SCFD2: variants seen among roughly 807,000 people sequenced by gnomAD.
SCFD2 encodes the protein sec1 family domain containing 2.
Under a neutral mutation model 58.9 loss-of-function variants are expected in SCFD2, and 54 were observed. The ratio of observed to expected loss-of-function variants is 0.92; its 90% CI spans 0.74 to 1.15. The LOEUF (loss-of-function observed/expected upper bound fraction) is 1.15, where lower values mean the gene tolerates loss of function less well. Among genes scored for constraint, SCFD2 ranks in the 50% most tolerant of loss-of-function variants. The pLI is 0.00. For missense variants in SCFD2, 805 were observed against 836.6 expected, an observed-to-expected ratio of 0.96 and a Z score of 0.47; for synonymous variants, 321 against 335.9, an observed-to-expected ratio of 0.96 and a Z score of 0.49.
In SCFD2 at chr4:53,236,919, G is replaced by A. The variant is rs1729640423; in HGVS notation, c.1311+36907C>T. On this transcript the variant is annotated intron_variant, in intron 4 of 8. Coordinates refer to ENST00000401642, the MANE Select transcript of SCFD2 (RefSeq NM_152540.4). ...TTTGGCAGGGTCATAGGACAATAGTGGAGGGAAGGTCAGTAGCTAAACAAG... is the reference window on the plus strand; with the variant it reads ...TTTGGCAGGGTCATAGGACAATAGTAGAGGGAAGGTCAGTAGCTAAACAAG... 5.3e-5 allele frequency among the ~76,000 whole-genome samples: 8 copies of A among 151,860 alleles called. No individual in the cohort carries two copies. The South Asian group carries it at 1.5e-3, about 28-fold the overall frequency.
intron 4 of SCFD2, among the ~76,000 whole-genome samples, chr4:53,255,999 C>T (rs1182754321): frequency 1.2e-4 from 18 of 148,490 alleles, no homozygotes; most frequent in South Asian, 2.2e-4. Flanking sequence ...CCAGACGGGG[C>T]GGCTGGCCGG....
chr4:52,873,388 C>T lies in SCFD2; in HGVS notation c.*581G>A, dbSNP rs971686918. On this transcript the variant is annotated 3_prime_UTR_variant, in exon 9 of 9. Transcript: ENST00000401642. ...AGAACAATGCAGTCCTTTGTTATGG[C>T]AGGATGATTTACAACACATGCAGGC... 1.3e-5 allele frequency: 2 copies of T among 152,484 alleles called. No homozygotes were observed. Among genetic ancestry groups the T allele is most frequent in the African/African-American group, 4.8e-5 (2 of 41,442 alleles). 9.4% of individuals were successfully genotyped at this position (152,484 alleles called of 1,614,324 possible).
In SCFD2 at chr4:52,930,340, C is replaced by T. The variant is rs189777263; in HGVS notation, c.1562-9470G>A. Among the ~76,000 whole-genome samples the T allele has an allele frequency of 1.5e-3, 230 of 152,154 alleles. 2 individuals are homozygous for T. The highest frequency in any genetic ancestry group is 5.4e-3 in the African/African-American group (224 of 41,510). On this transcript the variant is annotated intron_variant, in intron 5 of 8. Coordinates refer to ENST00000401642, the MANE Select transcript of SCFD2 (RefSeq NM_152540.4). ...ATTGAAACTGGAACCCTTCCTTATG[C>T]CTTATATGAAAATTAACTCAAGATG...
At chr4:53,197,355 G>T (rs1199364300) in intron 4 of SCFD2, among the ~76,000 whole-genome samples, 2 of 151,962 alleles carry the variant, frequency 1.3e-5, no homozygotes, top group African/African-American at 4.8e-5. Context: ...CCTTTGAAAG[G>T]ATTATCCAAA....
At chr4:53,329,754 T>C (rs1733363450) in intron 2 of SCFD2, among the ~76,000 whole-genome samples, 1 of 151,414 alleles carries the variant, frequency 6.6e-6, no homozygotes, top group African/African-American at 2.4e-5. Context: ...AGAATGACTT[T>C]GACGAGCTGA....
chr4:53,237,448 G>T, intron 4 of SCFD2, among the ~76,000 whole-genome samples: 1 of 147,074 alleles, frequency 6.8e-6, no homozygotes, highest in African/African-American at 2.6e-5. Flanking sequence ...TTCCCGGATG[G>T]GGGGTCTGGC....
In SCFD2 at chr4:53,137,205, A is replaced by T. The variant is rs560356581; in HGVS notation, c.1561+8128T>A. Among the ~76,000 whole-genome samples, 5 of 152,328 alleles carry T rather than the reference A, an allele frequency of 3.3e-5. No homozygotes were observed. The South Asian group carries it at 1.0e-3, about 32-fold the overall frequency. On this transcript the variant is annotated intron_variant, in intron 5 of 8. Coordinates refer to ENST00000401642, the MANE Select transcript of SCFD2 (RefSeq NM_152540.4). ...AAACCGAGATCTAGCCAAGGATGCAAGTCTTCTGAGTGGGGCTTTCAAGAA... is the reference window on the plus strand; with the variant it reads ...AAACCGAGATCTAGCCAAGGATGCATGTCTTCTGAGTGGGGCTTTCAAGAA...
At chr4:53,188,527 T>C (rs190072093) in intron 4 of SCFD2, among the ~76,000 whole-genome samples, 33 of 151,854 alleles carry the variant, frequency 2.2e-4, no homozygotes, top group Non-Finnish European at 4.4e-5. Flanking sequence ...GGAGCCAGTC[T>C]GAATACAAAT....
chr4:53,278,930 T>C (rs1731425389), intron 3 of SCFD2, among the ~76,000 whole-genome samples: 1 of 150,432 alleles, frequency 6.6e-6, no homozygotes, highest in African/African-American at 2.4e-5. Flanking sequence ...ATTTTTAAAT[T>C]TAACCATAAC....
At chr4:52,893,223 C>A (rs930000448) in intron 7 of SCFD2, among the ~76,000 whole-genome samples, 3 of 151,918 alleles carry the variant, frequency 2.0e-5, no homozygotes, top group Non-Finnish European at 4.4e-5. Flanking sequence ...TCTTTCTTTT[C>A]TTTCCCTTCT....
At chr4:53,004,176 G>A (rs1039743491) in intron 5 of SCFD2, among the ~76,000 whole-genome samples, 3 of 152,156 alleles carry the variant, frequency 2.0e-5, no homozygotes, top group African/African-American at 7.2e-5. Flanking sequence ...CACGATATGT[G>A]GTCAGTGATG....
intron 5 of SCFD2, among the ~76,000 whole-genome samples, chr4:53,074,397 T>A (rs1377755523): frequency 1.3e-5 from 2 of 152,156 alleles, no homozygotes; most frequent in South Asian, 4.1e-4. Flanking sequence ...GGAATGAATG[T>A]CTTCCAAACT....
chr4:53,165,636 T>C (rs1175735988), intron 4 of SCFD2, among the ~76,000 whole-genome samples: 1 of 152,214 alleles, frequency 6.6e-6, no homozygotes, highest in African/African-American at 2.4e-5. Flanking sequence ...TATATTTCTC[T>C]ATAGTCCTTT....
intron 8 of SCFD2, among the ~76,000 whole-genome samples, chr4:52,883,736 C>T (rs1001485571): frequency 1.3e-5 from 2 of 152,200 alleles, no homozygotes; most frequent in African/African-American, 4.8e-5. Context: ...GAAAAGAGGT[C>T]TTGCTCAAAA....
intron 5 of SCFD2, among the ~76,000 whole-genome samples, chr4:53,002,090 AG>A (rs1008018774): frequency 2.0e-5 from 3 of 152,218 alleles, no homozygotes; most frequent in African/African-American, 7.2e-5. Context: ...GTCAAGGAGA[AG>A]GGAAGAGGAA....
rs146044478 is a variant in SCFD2, at chr4:53,335,190, G to A, written c.1007+17408C>T. ...CAGCCTGGCGACAGAATGAGACTCC[G>A]TCTCAAAAAAAAAAAAAAAAAAACA... On this transcript the variant is annotated intron_variant, in intron 2 of 8. Coordinates refer to ENST00000401642, the MANE Select transcript of SCFD2 (RefSeq NM_152540.4). 5.1e-3 allele frequency among the ~76,000 whole-genome samples: 239 copies of A among 46,428 alleles called. 2 individuals carry two copies. Among genetic ancestry groups the A allele is most frequent in the Non-Finnish European group, 8.1e-3 (204 of 25,278 alleles). The allele number at this position is 46,428 out of a possible 152,430, so 30.5% of individuals were successfully genotyped here.
intron 4 of SCFD2, among the ~76,000 whole-genome samples, chr4:53,154,635 G>A (rs1577783276): frequency 6.6e-6 from 1 of 152,338 alleles, no homozygotes; most frequent in Middle Eastern, 3.4e-3. Flanking sequence ...TTGCCAGTGG[G>A]AGCCTGACAG....
chr4:53,136,982 C>G (rs1026020743), intron 5 of SCFD2, among the ~76,000 whole-genome samples: 4 of 152,212 alleles, frequency 2.6e-5, no homozygotes, highest in African/African-American at 9.7e-5. Context: ...AAACACTGGG[C>G]ATCACTCCAA....
At chr4:52,893,467 A>T (rs1203506747) in intron 7 of SCFD2, among the ~76,000 whole-genome samples, 1 of 152,210 alleles carries the variant, frequency 6.6e-6, no homozygotes, top group Non-Finnish European at 1.5e-5. Flanking sequence ...CTTTACTGAC[A>T]GCCCATCATT....
Sources: gnomAD v4.1 joint callset for allele counts (sites outside exome capture counted in the v4.1 genomes callset) on GRCh38, gnomAD v4.1.1 for gene constraint, MANE v1.5 for transcripts, NCBI Gene and HGNC (gene_info 2026-07-23, HGNC 2026-07-21) for gene names.